CCDC92B: variants seen among roughly 807,000 people sequenced by gnomAD.
CCDC92B encodes the protein coiled-coil domain-containing 92B.
In CCDC92B, 2 loss-of-function variants were observed where a neutral mutation model predicts 5.6. That is an observed-to-expected ratio of 0.36 (90% CI 0.15 to 1.12). CCDC92B has a LOEUF of 1.12. CCDC92B is among the 50% of genes most tolerant of loss of function. The pLI is 0.40. For missense variants in CCDC92B, 271 were observed against 262.2 expected (o/e 1.03, Z -0.23); for synonymous variants, 115 against 122.3 (o/e 0.94, Z 0.39).
chr17:2,735,158 C>T lies in CCDC92B; in HGVS notation c.-13G>A. ...ACACGGTATCCATGGCAACCCAGGC[C>T]TGGGCCCCACCTAGGGAGGACGACA... is the stretch of plus-strand genomic sequence containing the variant. On this transcript the variant is annotated 5_prime_UTR_variant, in exon 2 of 4. Transcript: ENST00000614400. 1.0e-6 allele frequency: 1 copy of T among 985,656 alleles called. No homozygotes were observed. Among genetic ancestry groups the T allele is most frequent in the Non-Finnish European group, 1.2e-6 (1 of 830,060 alleles). 61.1% of individuals were successfully genotyped at this position (985,656 alleles called of 1,614,324 possible). A position where few individuals can be genotyped will look rare whatever the true frequency, so the allele number is the denominator to read the frequency against.
chr17:2,743,054 A>G (rs2317225), intron 1 of CCDC92B, among the ~76,000 whole-genome samples: 63,813 of 152,116 alleles, frequency 0.42, 13,544 homozygotes, highest in East Asian at 0.5. Flanking sequence ...CTTCTGGTGT[A>G]CCATTGCAGT....
intron 1 of CCDC92B, among the ~76,000 whole-genome samples, chr17:2,748,725 T>C (rs1176000510): frequency 6.6e-6 from 1 of 152,204 alleles, no homozygotes; most frequent in East Asian, 1.9e-4. Context: ...ATAAGTATGC[T>C]GGTCCCTCAA....
chr17:2,741,614 ATGGAGTCTCGCTC>A (rs2070927596), intron 1 of CCDC92B, among the ~76,000 whole-genome samples: 1 of 129,250 alleles, frequency 7.7e-6, no homozygotes, highest in Non-Finnish European at 1.6e-5. Flanking sequence ...TTTTTTTGAG[ATGGAGTCTCGCTC>A]TGTCGCCCAG....
At chr17:2,741,371 T>C (rs1427281503) in intron 1 of CCDC92B, among the ~76,000 whole-genome samples, 2 of 151,920 alleles carry the variant, frequency 1.3e-5, no homozygotes, top group African/African-American at 4.8e-5. Flanking sequence ...CATGGCGTCT[T>C]GAAAACCATG....
intron 1 of CCDC92B, among the ~76,000 whole-genome samples, chr17:2,736,786 CACA>C (rs1432760886): frequency 3.8e-4 from 58 of 151,652 alleles, no homozygotes; most frequent in African/African-American, 1.3e-3. Flanking sequence ...GAGGCTGAGG[CACA>C]AGGATTGCTT....
chr17:2,748,483 A>G, intron 1 of CCDC92B: 1 of 953,984 alleles, frequency 1.0e-6, no homozygotes, highest in Non-Finnish European at 1.2e-6. Flanking sequence ...GCTTCCGTGC[A>G]AAGCCATAAG....
rs2070695982 is a variant in CCDC92B, at chr17:2,724,236, T to C, written c.*175A>G. 1 of 984,906 alleles carries C rather than the reference T, an allele frequency of 1.0e-6. No individual in the cohort carries two copies. The highest frequency in any genetic ancestry group is 1.2e-6 in the Non-Finnish European group (1 of 829,760). 61.0% of individuals were successfully genotyped at this position (984,906 alleles called of 1,614,324 possible). A position where few individuals can be genotyped will look rare whatever the true frequency, so the allele number is the denominator to read the frequency against. On this transcript the variant is annotated 3_prime_UTR_variant, in exon 4 of 4. Transcript: ENST00000614400. This position sits in a 1 kb window ranked among gnomAD's most constrained non-coding sequence, Gnocchi z 5.0. ...GAGAGGGCTCGAAGCTTTGGAAACG[T>C]CGGGAAGTACAAAAGGCTGGCGGTT... is the stretch of plus-strand genomic sequence containing the variant.
chr17:2,744,281 G>A lies in CCDC92B; in HGVS notation c.-24+5130C>T, dbSNP rs563219458. 7.8e-4 allele frequency among the ~76,000 whole-genome samples: 117 copies of A among 149,168 alleles called. 1 individual carries two copies. The South Asian group carries it at 0.024, about 31-fold the overall frequency. On this transcript the variant is annotated intron_variant, in intron 1 of 3. Transcript: ENST00000614400. Reference sequence around the variant, plus strand: ...TAGTCTCCAGCAATCTTCTAGCTTTGGCATCTCAAAAGTGCTGGGATTACA... The same window carrying A: ...TAGTCTCCAGCAATCTTCTAGCTTTAGCATCTCAAAAGTGCTGGGATTACA...
chr17:2,726,599 G>T (rs1269966587), intron 3 of CCDC92B, among the ~76,000 whole-genome samples: 2 of 151,948 alleles, frequency 1.3e-5, no homozygotes, highest in East Asian at 1.9e-4. Flanking sequence ...TTACAGGCGT[G>T]AGCCACTGCA....
At chr17:2,744,339 T>A (rs1190585671) in intron 1 of CCDC92B, among the ~76,000 whole-genome samples, 1 of 151,880 alleles carries the variant, frequency 6.6e-6, no homozygotes, top group African/African-American at 2.4e-5. Context: ...CCGGCCTAAA[T>A]TTTTTTTATT....
chr17:2,748,450 G>A, intron 1 of CCDC92B: 3 of 964,776 alleles, frequency 3.1e-6, no homozygotes, highest in Non-Finnish European at 3.7e-6. Flanking sequence ...GTGTGTGTGT[G>A]CACGCATGCC....
intron 2 of CCDC92B, among the ~76,000 whole-genome samples, chr17:2,731,080 C>T (rs1354635169): frequency 6.6e-6 from 1 of 152,180 alleles, no homozygotes; most frequent in Non-Finnish European, 1.5e-5. Context: ...GCCCCAGTTG[C>T]GCCGTATTCC....
chr17:2,734,706 T>C (rs1567614808), intron 2 of CCDC92B, among the ~76,000 whole-genome samples: 2 of 151,986 alleles, frequency 1.3e-5, no homozygotes, highest in Non-Finnish European at 2.9e-5. Context: ...TCCAGGATGG[T>C]CTTGATCTCC....
chr17:2,724,202 T>G lies in CCDC92B; in HGVS notation c.*209A>C, dbSNP rs995860680. ...CCCGCTCGGCCCCGCGGAGGAACTC[T>G]CGCGCGAGGAGAGGGCTCGAAGCTT... On this transcript the variant is annotated 3_prime_UTR_variant, in exon 4 of 4. Coordinates refer to ENST00000614400, the MANE Select transcript of CCDC92B (RefSeq NM_001355573.2). The surrounding 1 kb of genome is among the most constrained non-coding windows in gnomAD (Gnocchi z 5.0). 5 of 985,120 alleles carry G rather than the reference T, an allele frequency of 5.1e-6. No homozygotes were observed. Among genetic ancestry groups the G allele is most frequent in the Non-Finnish European group, 6.0e-6 (5 of 829,874 alleles). The allele number at this position is 985,120 out of a possible 1,614,324, so 61.0% of individuals were successfully genotyped here. A position where few individuals can be genotyped will look rare whatever the true frequency, so the allele number is the denominator to read the frequency against.
chr17:2,732,579 T>C (rs1159840132), intron 2 of CCDC92B, among the ~76,000 whole-genome samples: 1 of 151,688 alleles, frequency 6.6e-6, no homozygotes, highest in Non-Finnish European at 1.5e-5. Context: ...TAGCCAGGCA[T>C]GGTGGCGGGC....
At chr17:2,728,061 C>A (rs7218864) in intron 3 of CCDC92B, among the ~76,000 whole-genome samples, 8,539 of 151,984 alleles carry the variant, frequency 0.056, 394 homozygotes, top group East Asian at 0.24. Context: ...GCACAGTGGT[C>A]GTGCCTGTAA....
rs2070673413 is a variant in CCDC92B at position 2,722,917 on chromosome 17, G to A, written c.*1494C>T. ...GGCTGGGCTGGGGGTGGGGGAATAAGCTGCGCTGAAACTGTCCTTCCTGCC... is the reference window on the plus strand; with the variant it reads ...GGCTGGGCTGGGGGTGGGGGAATAAACTGCGCTGAAACTGTCCTTCCTGCC... On this transcript the variant is annotated 3_prime_UTR_variant, in exon 4 of 4. Coordinates refer to ENST00000614400, the MANE Select transcript of CCDC92B (RefSeq NM_001355573.2). 6.6e-6 allele frequency: 1 copy of A among 152,554 alleles called. No individual in the cohort carries two copies. The highest frequency in any genetic ancestry group is 1.5e-5 in the Non-Finnish European group (1 of 68,328). The allele number at this position is 152,554 out of a possible 1,614,324, so 9.5% of individuals were successfully genotyped here.
intron 1 of CCDC92B, among the ~76,000 whole-genome samples, chr17:2,736,942 A>C (rs2070865293): frequency 6.6e-6 from 1 of 151,776 alleles, no homozygotes; most frequent in South Asian, 2.1e-4. Flanking sequence ...AATAAATACA[A>C]TAAAAAAGAG....
intron 1 of CCDC92B, among the ~76,000 whole-genome samples, chr17:2,745,090 A>AAAT (rs72203225): frequency 2.8e-5 from 4 of 142,996 alleles, no homozygotes; most frequent in African/African-American, 1.1e-4. Flanking sequence ...AAAAAAAAAA[A>AAAT]GATAAAATAA....
Sources: gnomAD v4.1 joint callset for allele counts (sites outside exome capture counted in the v4.1 genomes callset) on GRCh38, gnomAD v4.1.1 for gene constraint, Gnocchi (gnomAD v3.1) non-coding constraint, MANE v1.5 for transcripts, NCBI Gene and HGNC (gene_info 2026-07-23, HGNC 2026-07-21) for gene names.